The following ENTREP2 variants were observed in gnomAD, a reference collection of about 807,000 sequenced individuals.
ENTREP2 encodes the protein endosomal transmembrane epsin interactor 2.
chr15:29,495,037 T>A, the ENTREP2 span, among the ~76,000 whole-genome samples: 2 of 152,178 alleles, frequency 1.3e-5, no homozygotes, highest in East Asian at 1.9e-4. Context: ...AAACACTGAT[T>A]TCAATTACTT....
the ENTREP2 span, among the ~76,000 whole-genome samples, chr15:29,640,339 G>C: frequency 6.6e-6 from 1 of 152,112 alleles, no homozygotes; most frequent in East Asian, 1.9e-4. Context: ...AATAGTCATA[G>C]AAAAGAGATT....
the ENTREP2 span, among the ~76,000 whole-genome samples, chr15:29,299,185 A>C: frequency 6.6e-6 from 1 of 151,364 alleles, no homozygotes; most frequent in Non-Finnish European, 1.5e-5. Context: ...TGTTAAAAAA[A>C]CTCTTAGCAT....
the ENTREP2 span, chr15:29,269,497 C>G: frequency 6.2e-7 from 1 of 1,606,898 alleles, no homozygotes; most frequent in Non-Finnish European, 8.5e-7. Context: ...GGCCTGGGCC[C>G]GGCGGGCGCC....
the ENTREP2 span, among the ~76,000 whole-genome samples, chr15:29,607,696 T>C: frequency 6.6e-6 from 1 of 152,318 alleles, no homozygotes; most frequent in African/African-American, 2.4e-5. Flanking sequence ...AGGATTGAAC[T>C]TGATACTCTT....
the ENTREP2 span, among the ~76,000 whole-genome samples, chr15:29,651,750 C>T: frequency 7.9e-5 from 12 of 152,236 alleles, no homozygotes; most frequent in African/African-American, 2.4e-4. Context: ...AGCTCCCTAC[C>T]GCCTCAGCCC....
At chr15:29,596,008 G>A in the ENTREP2 span, among the ~76,000 whole-genome samples, 1 of 152,080 alleles carries the variant, frequency 6.6e-6, no homozygotes, top group East Asian at 1.9e-4. Context: ...TCTCAAAAAA[G>A]CCCTGGTTCC....
At chr15:29,572,538 C>T in the ENTREP2 span, among the ~76,000 whole-genome samples, 4 of 146,056 alleles carry the variant, frequency 2.7e-5, no homozygotes, top group South Asian at 9.5e-4. Context: ...GCTCTCTAAT[C>T]ATAAGGCTTT....
At chr15:29,259,670 A>C in the ENTREP2 span, among the ~76,000 whole-genome samples, 2 of 152,034 alleles carry the variant, frequency 1.3e-5, no homozygotes, top group East Asian at 3.9e-4. Flanking sequence ...CTGATTCTTC[A>C]TTCTTCCTTT....
the ENTREP2 span, among the ~76,000 whole-genome samples, chr15:29,632,609 C>CT: frequency 5.8e-3 from 890 of 152,232 alleles, 6 homozygotes; most frequent in African/African-American, 0.02. Flanking sequence ...TGGCAAAACT[C>CT]TGTTTCTACT....
the ENTREP2 span, among the ~76,000 whole-genome samples, chr15:29,275,394 A>C: frequency 1.3e-5 from 2 of 152,266 alleles, no homozygotes; most frequent in South Asian, 2.1e-4. Flanking sequence ...CATAGCAGCT[A>C]TGCACATTCA....
chr15:29,217,948 TG>T, the ENTREP2 span, among the ~76,000 whole-genome samples: 1 of 152,096 alleles, frequency 6.6e-6, no homozygotes, highest in African/African-American at 2.4e-5. Flanking sequence ...GTTCCCTTGG[TG>T]TGGTAATCTC....
At chr15:29,583,374 C>A in the ENTREP2 span, among the ~76,000 whole-genome samples, 1 of 152,254 alleles carries the variant, frequency 6.6e-6, no homozygotes, top group Middle Eastern at 3.4e-3. Flanking sequence ...TTATCCTCAG[C>A]AAACTAATGC....
the ENTREP2 span, among the ~76,000 whole-genome samples, chr15:29,301,008 T>C: frequency 1.3e-5 from 2 of 152,250 alleles, no homozygotes; most frequent in East Asian, 3.8e-4. Flanking sequence ...TAAAAAACAC[T>C]ATTCATAATG....
At chr15:29,352,925 A>T in the ENTREP2 span, among the ~76,000 whole-genome samples, 1 of 152,162 alleles carries the variant, frequency 6.6e-6, no homozygotes, top group African/African-American at 2.4e-5. Context: ...ATTAGTCAAC[A>T]TACATAATGT....
the ENTREP2 span, among the ~76,000 whole-genome samples, chr15:29,371,085 AC>A: frequency 6.6e-6 from 1 of 152,076 alleles, no homozygotes; most frequent in Non-Finnish European, 1.5e-5. Flanking sequence ...GACAGGCACA[AC>A]TTGAGGTACC....
At chr15:29,657,111 G>C in the ENTREP2 span, among the ~76,000 whole-genome samples, 2 of 152,200 alleles carry the variant, frequency 1.3e-5, no homozygotes, top group African/African-American at 2.4e-5. Flanking sequence ...GCAGTGGCGC[G>C]GTCTTGGCTC....
the ENTREP2 span, among the ~76,000 whole-genome samples, chr15:29,614,990 G>C: frequency 6.6e-6 from 1 of 152,116 alleles, no homozygotes; most frequent in Admixed American, 6.5e-5. Context: ...GGGAAATCCA[G>C]GCTCATAAAG....
the ENTREP2 span, among the ~76,000 whole-genome samples, chr15:29,668,288 C>CA: frequency 6.6e-6 from 1 of 152,298 alleles, no homozygotes; most frequent in African/African-American, 2.4e-5. Flanking sequence ...TAACCACCAC[C>CA]AATCACAAAG....
the ENTREP2 span, among the ~76,000 whole-genome samples, chr15:29,552,037 C>T: frequency 1.3e-5 from 2 of 152,246 alleles, no homozygotes; most frequent in East Asian, 3.9e-4. Context: ...AATGCTTAAA[C>T]GTGACAATGT....
Sources: gnomAD v4.1 joint callset for allele counts (sites outside exome capture counted in the v4.1 genomes callset) on GRCh38, gnomAD v4.1.1 for gene constraint, MANE v1.5 for transcripts, NCBI Gene and HGNC (gene_info 2026-07-23, HGNC 2026-07-21) for gene names.